The following NPAS3 variants were observed in gnomAD, a reference collection of about 807,000 sequenced individuals.
NPAS3 encodes neuronal PAS domain protein 3, also known as neuronal PAS domain-containing protein 3.
Under a neutral mutation model 73.1 loss-of-function variants are expected in NPAS3, and 14 were observed. That is an observed-to-expected ratio of 0.19 (90% CI 0.13 to 0.30). The LOEUF (loss-of-function observed/expected upper bound fraction) is 0.30. NPAS3 is among the 10% of genes least tolerant of loss of function. The probability of loss-of-function intolerance (pLI) is 1.00; values close to 1 mark genes in which losing one functional copy is unlikely to be tolerated. For missense variants in NPAS3, 1,096 were observed against 1,250.0 expected (o/e 0.88, Z 1.86); for synonymous variants, 620 against 541.5 (o/e 1.14, Z -2.01).
intron 4 of NPAS3, among the ~76,000 whole-genome samples, chr14:33,369,346 A>G (rs888867708): frequency 1.4e-5 from 2 of 147,534 alleles, no homozygotes; most frequent in Non-Finnish European, 3.0e-5. Flanking sequence ...TTTAGTTTGG[A>G]AAACATGACT....
intron 7 of NPAS3, among the ~76,000 whole-genome samples, chr14:33,742,804 A>G (rs1033946295): frequency 2.0e-5 from 3 of 152,222 alleles, no homozygotes; most frequent in African/African-American, 4.8e-5. Flanking sequence ...AATTAACTTT[A>G]TAGAATATTC....
chr14:33,005,662 G>A (rs2038976301), intron 1 of NPAS3, among the ~76,000 whole-genome samples: 1 of 152,122 alleles, frequency 6.6e-6, no homozygotes, highest in South Asian at 2.1e-4. Flanking sequence ...GTCGAAGGGG[G>A]GAGTTGTTCC....
intron 1 of NPAS3, among the ~76,000 whole-genome samples, chr14:33,018,817 G>T (rs2039487010): frequency 6.6e-6 from 1 of 151,994 alleles, no homozygotes; most frequent in Non-Finnish European, 1.5e-5. Context: ...TTATTGAAGG[G>T]AAATCATCGT....
chr14:33,514,772 G>A (rs1255437825), intron 4 of NPAS3, among the ~76,000 whole-genome samples: 1 of 151,898 alleles, frequency 6.6e-6, no homozygotes, highest in Non-Finnish European at 1.5e-5. Context: ...TTCATTATAT[G>A]ATTATTATAA....
At chr14:33,135,742 C>G (rs2043807204) in intron 2 of NPAS3, among the ~76,000 whole-genome samples, 1 of 151,976 alleles carries the variant, frequency 6.6e-6, no homozygotes, top group South Asian at 2.1e-4. Flanking sequence ...AGGAAAAGAC[C>G]AAAAGAAACA....
chr14:33,081,048 T>G lies in NPAS3; in HGVS notation c.140+25054T>G, dbSNP rs1007784308. ...CTAGCCAAGTTCTTTACCAGCAATG[T>G]ACATCACTAATAAGCTGATGTACAA... On this transcript the variant is annotated intron_variant, in intron 2 of 11. Transcript: ENST00000356141. Among the ~76,000 whole-genome samples, 9 of 152,198 alleles carry G rather than the reference T, an allele frequency of 5.9e-5. No homozygotes were observed. The South Asian group carries it at 1.4e-3, about 24-fold the overall frequency.
intron 2 of NPAS3, among the ~76,000 whole-genome samples, chr14:33,194,267 C>T (rs894341074): frequency 6.6e-6 from 1 of 152,090 alleles, no homozygotes; most frequent in Non-Finnish European, 1.5e-5. Context: ...TTGTATGGAG[C>T]CTATCAGGTA....
chr14:32,972,129 A>C (rs561383698), intron 1 of NPAS3, among the ~76,000 whole-genome samples: 1 of 151,820 alleles, frequency 6.6e-6, no homozygotes, highest in Non-Finnish European at 1.5e-5. Context: ...TAGTGGAGAC[A>C]GAGTTTCACC....
At chr14:33,724,809 A>G (rs2061218465) in intron 6 of NPAS3, among the ~76,000 whole-genome samples, 14 of 151,968 alleles carry the variant, frequency 9.2e-5, no homozygotes, top group Admixed American at 8.5e-4. Flanking sequence ...AATATTACTG[A>G]TAGACATGCA....
chr14:33,758,784 A>T (rs2062194174), intron 7 of NPAS3, among the ~76,000 whole-genome samples: 1 of 152,230 alleles, frequency 6.6e-6, no homozygotes, highest in African/African-American at 2.4e-5. Flanking sequence ...GAAGAAACTG[A>T]CATATTTGGA....
intron 3 of NPAS3, among the ~76,000 whole-genome samples, chr14:33,222,081 T>A (rs1490561851): frequency 6.6e-6 from 1 of 152,144 alleles, no homozygotes; most frequent in Non-Finnish European, 1.5e-5. Context: ...GATGTAATGA[T>A]AATAACTTGA....
At chr14:33,595,535 C>T (rs1414015585) in intron 5 of NPAS3, among the ~76,000 whole-genome samples, 2 of 151,872 alleles carry the variant, frequency 1.3e-5, no homozygotes. Context: ...TGACTTAGAA[C>T]ATATGCATGT....
At chr14:33,734,723 G>A (rs975464809) in intron 6 of NPAS3, among the ~76,000 whole-genome samples, 1 of 152,168 alleles carries the variant, frequency 6.6e-6, no homozygotes, top group African/African-American at 2.4e-5. Context: ...CATTGGTCAG[G>A]ACATGACTCT....
Position 32,951,977 on chromosome 14 carries a change from G to T in NPAS3, c.50+12611G>T, listed in dbSNP as rs567401818. Among the ~76,000 whole-genome samples the T allele has an allele frequency of 4.3e-4, 65 of 151,938 alleles. 2 individuals carry two copies. Among genetic ancestry groups the T allele is most frequent in the African/African-American group, 1.6e-3 (65 of 41,454 alleles). Reference sequence around the variant, plus strand: ...TAAATTAATGACTTTTAAAATAGAGGTATCACTTATTTATGGTTTCTGGAA... The same window carrying T: ...TAAATTAATGACTTTTAAAATAGAGTTATCACTTATTTATGGTTTCTGGAA... On this transcript the variant is annotated intron_variant, in intron 1 of 11. Coordinates refer to ENST00000356141, the Ensembl canonical transcript of NPAS3.
At chr14:33,769,690 A>G (rs1445151432) in intron 7 of NPAS3, among the ~76,000 whole-genome samples, 2 of 149,156 alleles carry the variant, frequency 1.3e-5, no homozygotes, top group Non-Finnish European at 3.0e-5. Flanking sequence ...CAGGCATTAT[A>G]CCTAGGCACT....
chr14:33,650,572 G>C (rs566658021), intron 5 of NPAS3, among the ~76,000 whole-genome samples: 1 of 152,140 alleles, frequency 6.6e-6, no homozygotes, highest in African/African-American at 2.4e-5. Flanking sequence ...ACTGTTCCAC[G>C]TGCACATTAT....
At chr14:33,199,273 C>CTCCA (rs2046517025) in intron 2 of NPAS3, among the ~76,000 whole-genome samples, 1 of 152,188 alleles carries the variant, frequency 6.6e-6, no homozygotes, top group Non-Finnish European at 1.5e-5. Context: ...AAGCGAGGGC[C>CTCCA]TCCAGCACGT....
chr14:33,197,816 A>G (rs1239373437), intron 2 of NPAS3, among the ~76,000 whole-genome samples: 3 of 152,192 alleles, frequency 2.0e-5, no homozygotes, highest in Non-Finnish European at 2.9e-5. Flanking sequence ...TTCTCTTTGG[A>G]GCAACTGCTG....
intron 6 of NPAS3, among the ~76,000 whole-genome samples, chr14:33,714,467 C>T (rs2060906216): frequency 6.6e-6 from 1 of 152,038 alleles, no homozygotes; most frequent in Non-Finnish European, 1.5e-5. Flanking sequence ...CAATTACGAT[C>T]CATACTTGGG....
Sources: gnomAD v4.1 joint callset for allele counts (sites outside exome capture counted in the v4.1 genomes callset) on GRCh38, gnomAD v4.1.1 for gene constraint, MANE v1.5 for transcripts, NCBI Gene and HGNC (gene_info 2026-07-23, HGNC 2026-07-21) for gene names.